RNF43: variants seen among roughly 807,000 people sequenced by gnomAD.
RNF43 encodes the protein ring finger protein 43.
A neutral mutation model predicts 78.4 loss-of-function variants in RNF43; 37 were observed. The ratio of observed to expected loss-of-function variants is 0.47; its 90% confidence interval spans 0.36 to 0.62. RNF43 has a LOEUF of 0.62. Among genes scored for constraint, RNF43 ranks in the 20% least tolerant of loss-of-function variants. The probability of loss-of-function intolerance (pLI) is 0.00; values close to 1 mark genes in which losing one functional copy is unlikely to be tolerated. For missense variants in RNF43, 774 were observed against 1,007.9 expected (o/e 0.77, Z 3.14); for synonymous variants, 347 against 395.0 (o/e 0.88, Z 1.44).
At position 58,367,045 on chromosome 17, in the gene RNF43, G is replaced by A. The variant is rs1972970983; in HGVS notation, c.376-3445C>T. ...AGTCTCGCTCTGTCACCAGGCTAGA[G>A]TGCAGTGGTGTGTGGTGTGATCTCG... On this transcript the variant is annotated intron_variant, in intron 3 of 9. Coordinates refer to ENST00000407977, the MANE Select transcript of RNF43 (RefSeq NM_017763.6). 2.0e-5 allele frequency among the ~76,000 whole-genome samples: 3 copies of A among 147,646 alleles called. No homozygotes were observed. In the South Asian group the frequency reaches 6.4e-4, roughly 32 times the overall value.
At chr17:58,383,679 G>A (rs777433591) in intron 2 of RNF43, among the ~76,000 whole-genome samples, 2 of 152,230 alleles carry the variant, frequency 1.3e-5, no homozygotes, top group African/African-American at 2.4e-5. Context: ...GTGCAATGGC[G>A]TGATCTCGGC....
chr17:58,402,191 A>C (rs1270299948), intron 2 of RNF43, among the ~76,000 whole-genome samples: 3 of 152,214 alleles, frequency 2.0e-5, no homozygotes, highest in African/African-American at 7.2e-5. Context: ...TCAGAGGAAG[A>C]GTGCTCAAAG....
chr17:58,367,377 T>C lies in RNF43; in HGVS notation c.375+3534A>G, dbSNP rs535687170. Among the ~76,000 whole-genome samples, 3 of 152,288 alleles carry C rather than the reference T, an allele frequency of 2.0e-5. No individual in the cohort carries two copies. In the East Asian group the frequency reaches 5.8e-4, roughly 29 times the overall value. ...ATTTACTCCTCAAAACTCTATAAGA[T>C]AGTCATCAGCCCCACTTTTGAGGTG... On this transcript the variant is annotated intron_variant, in intron 3 of 9. Transcript: ENST00000407977.
chr17:58,366,260 T>C (rs527687713), intron 3 of RNF43, among the ~76,000 whole-genome samples: 2 of 152,168 alleles, frequency 1.3e-5, no homozygotes, highest in African/African-American at 2.4e-5. Flanking sequence ...ATACACACAA[T>C]CTGGCACAAA....
chr17:58,382,819 G>A (rs1973350348), intron 2 of RNF43, among the ~76,000 whole-genome samples: 1 of 152,188 alleles, frequency 6.6e-6, no homozygotes, highest in Non-Finnish European at 1.5e-5. Context: ...CACAGGGCAT[G>A]GGAATGCACA....
chr17:58,410,197 G>T (rs1474264384), intron 2 of RNF43, among the ~76,000 whole-genome samples: 1 of 152,164 alleles, frequency 6.6e-6, no homozygotes, highest in African/African-American at 2.4e-5. Context: ...AAATCTGTTT[G>T]ATGATAACTT....
intron 9 of RNF43, among the ~76,000 whole-genome samples, chr17:58,356,648 C>CAGG (rs796102809): frequency 1.3e-5 from 2 of 152,100 alleles, no homozygotes; most frequent in South Asian, 4.1e-4. Flanking sequence ...TGCTGGGAAC[C>CAGG]ACCTGTGGTT....
At position 58,357,363 on chromosome 17, in the gene RNF43, C is replaced by G. The variant is rs752546073; in HGVS notation, c.2308+105G>C. ...ATTTTGGTTGTCATCTCTGCTGTAT[C>G]CTTCTCAGCTTCCATCAACCCTTTG... On this transcript the variant is annotated intron_variant, in intron 9 of 9. Transcript: ENST00000407977. This position sits in a 1 kb window ranked among gnomAD's most constrained non-coding sequence, Gnocchi z 4.5. 24 of 1,424,362 alleles carry G rather than the reference C, an allele frequency of 1.7e-5. No individual in the cohort carries two copies. The highest frequency in any genetic ancestry group is 2.4e-5 in the Non-Finnish European group (24 of 1,009,880). 88.2% of individuals were successfully genotyped at this position (1,424,362 alleles called of 1,614,324 possible).
chr17:58,408,501 A>C (rs181131332), intron 2 of RNF43, among the ~76,000 whole-genome samples: 16 of 152,288 alleles, frequency 1.1e-4, no homozygotes, highest in Admixed American at 7.8e-4. Context: ...GACCTGAATA[A>C]ATCATTCTTG....
chr17:58,357,917 G>A lies in RNF43; in HGVS notation c.1859C>T (p.Pro620Leu). Reference sequence around the variant, plus strand: ...GTCAACTGGGCCAGGGGCTGGCTCAGGGAGGGCCCTGGGGCACTGTGGGTT... The same window carrying A: ...GTCAACTGGGCCAGGGGCTGGCTCAAGGAGGGCCCTGGGGCACTGTGGGTT... The part of the protein sequence containing the change: ...LSNPQCPRAL[P>L]EPAPGPVDAS... Residue 620 changes from proline to leucine, a missense_variant, in exon 9 of 10, where the codon CCT becomes CTT. Physicochemically the swap from Pro to Leu is moderately conservative, Grantham distance 98 (BLOSUM62 -3). Transcript: ENST00000407977. The surrounding 1 kb of genome is among the most constrained non-coding windows in gnomAD (Gnocchi z 4.5). 6.2e-7 allele frequency: 1 copy of A among 1,613,616 alleles called. No homozygotes were observed. The highest frequency in any genetic ancestry group is 8.5e-7 in the Non-Finnish European group (1 of 1,179,790).
intron 2 of RNF43, among the ~76,000 whole-genome samples, chr17:58,397,720 G>A (rs1973712946): frequency 6.6e-6 from 1 of 151,724 alleles, no homozygotes; most frequent in Admixed American, 6.6e-5. Context: ...TATGAAGAAT[G>A]CAAGTCCTTT....
chr17:58,401,632 G>A (rs1031814769), intron 2 of RNF43, among the ~76,000 whole-genome samples: 2 of 152,090 alleles, frequency 1.3e-5, no homozygotes, highest in East Asian at 3.9e-4. Context: ...GACATTGCTT[G>A]AAAAAGTAGG....
At position 58,358,895 on chromosome 17, in the gene RNF43, G is replaced by T; in HGVS notation, c.953-72C>A. ...CAGAGAATGCATTCAGAAAGACATG[G>T]CTGTAGCTAATCTATTTGACCCTGA... On this transcript the variant is annotated intron_variant, in intron 8 of 9. Coordinates refer to ENST00000407977, the MANE Select transcript of RNF43 (RefSeq NM_017763.6). This position sits in a 1 kb window ranked among gnomAD's most constrained non-coding sequence, Gnocchi z 6.2. 1.4e-6 allele frequency: 2 copies of T among 1,389,608 alleles called. No individual in the cohort carries two copies. Among genetic ancestry groups the T allele is most frequent in the Non-Finnish European group, 1.9e-6 (2 of 1,060,598 alleles). 86.1% of individuals were successfully genotyped at this position (1,389,608 alleles called of 1,614,324 possible).
In RNF43 at chr17:58,370,895, C is replaced by T. The variant is rs753268203; in HGVS notation, c.375+16G>A. 3.8e-6 allele frequency: 6 copies of T among 1,580,994 alleles called. No homozygotes were observed. Among genetic ancestry groups the T allele is most frequent in the South Asian group, 1.2e-5 (1 of 84,152 alleles). On this transcript the variant is annotated intron_variant, in intron 3 of 9. Transcript: ENST00000407977. The stretch of plus-strand genomic sequence containing the variant: ...GGTGAAGCTCCGGGTGTGTGTAGGG[C>T]GAAGTGTGAGTCTACCTTGCTAGCC...
intron 2 of RNF43, among the ~76,000 whole-genome samples, chr17:58,410,657 G>T (rs576624093): frequency 4.6e-5 from 7 of 152,230 alleles, no homozygotes; most frequent in African/African-American, 1.7e-4. Flanking sequence ...TCCTATATTA[G>T]ATAACTTAAC....
chr17:58,389,270 A>G (rs955337031), intron 2 of RNF43, among the ~76,000 whole-genome samples: 52 of 152,238 alleles, frequency 3.4e-4, no homozygotes, highest in African/African-American at 1.2e-3. Flanking sequence ...TTGGAGTACC[A>G]GGATGAAGGA....
chr17:58,356,824 G>A (rs1972692519), intron 9 of RNF43, among the ~76,000 whole-genome samples: 1 of 149,288 alleles, frequency 6.7e-6, no homozygotes, highest in African/African-American at 2.5e-5. Flanking sequence ...AACTAAACCA[G>A]TTATTAAAAT....
chr17:58,362,734 C>A, intron 5 of RNF43, 86 bp from the exon 6 acceptor site: 1 of 1,027,770 alleles, frequency 9.7e-7, no homozygotes, highest in Non-Finnish European at 1.4e-6. Flanking sequence ...CCGGGAGGCA[C>A]ATAGCTAACT....
chr17:58,364,282 C>T (rs1313407994), intron 3 of RNF43, among the ~76,000 whole-genome samples: 1 of 152,304 alleles, frequency 6.6e-6, no homozygotes, highest in Non-Finnish European at 1.5e-5. Context: ...TCCTTTCGTC[C>T]CCTCCCTTAG....
Sources: allele counts gnomAD v4.1 joint callset (sites outside exome capture counted in the v4.1 genomes callset), GRCh38; gene constraint gnomAD v4.1.1; non-coding constraint Gnocchi (gnomAD v3.1); transcripts MANE v1.5; gene names NCBI Gene and HGNC (gene_info 2026-07-23, HGNC 2026-07-21).